Variants in GPATCH1 observed in about 807,000 individuals in gnomAD.
GPATCH1 encodes G-patch domain containing 1, also known as G patch domain-containing protein 1.
In GPATCH1, 73 loss-of-function variants were observed where a neutral mutation model predicts 114.9. That is an observed-to-expected ratio of 0.64 (90% CI 0.53 to 0.77). The LOEUF (loss-of-function observed/expected upper bound fraction) is 0.77, where lower values mean the gene tolerates loss of function less well. Ranked by LOEUF, GPATCH1 falls within the 30% of genes least tolerant of loss-of-function variation. GPATCH1 has a pLI of 0.00. For synonymous variants in GPATCH1, 391 were observed against 428.4 expected, an observed-to-expected ratio of 0.91 and a Z score of 1.08; for missense variants, 1,058 against 1,144.3, an observed-to-expected ratio of 0.92 and a Z score of 1.09.
At chr19:33,085,621 CAG>C (rs1475557330) in intron 1 of GPATCH1, among the ~76,000 whole-genome samples, 1 of 152,140 alleles carries the variant, frequency 6.6e-6, no homozygotes, top group African/African-American at 2.4e-5. Flanking sequence ...GGCTTGGAGA[CAG>C]AGCTGAGATC....
At chr19:33,125,255 A>G in intron 18 of GPATCH1, 53 bp downstream of exon 18, 1 of 1,555,834 alleles carries the variant, frequency 6.4e-7, no homozygotes, top group Non-Finnish European at 8.7e-7. Context: ...CCCGCTGGTC[A>G]GCCCCCAGGA....
intron 10 of GPATCH1, among the ~76,000 whole-genome samples, chr19:33,107,934 T>C (rs1189169153): frequency 6.6e-6 from 1 of 152,100 alleles, no homozygotes; most frequent in Non-Finnish European, 1.5e-5. Flanking sequence ...ATGTGCCACG[T>C]TCGTGTGCTG....
intron 9 of GPATCH1, among the ~76,000 whole-genome samples, chr19:33,102,020 T>G (rs1379612645): frequency 8.1e-6 from 1 of 123,688 alleles, no homozygotes; most frequent in African/African-American, 3.3e-5. Flanking sequence ...CACGTAAAAC[T>G]CTGTCTCAAA....
rs151158125 is a variant in GPATCH1 at position 33,109,787 on chromosome 19, A to T, written c.1356A>T (p.Ala452=). Residue 452 remains alanine (A), a synonymous_variant, in exon 11 of 20, where the codon GCA becomes GCT. Transcript: ENST00000170564. ...AGAGAATCAAAGAAATGAAGCAGGC[A>T]ACTGACCTGAAAGCAGCTCAGCTCA... ...DKERIKEMKQ[A]TDLKAAQLKA... 6.2e-7 allele frequency: 1 copy of T among 1,609,224 alleles called. No individual in the cohort carries two copies. The highest frequency in any genetic ancestry group is 2.2e-5 in the East Asian group (1 of 44,792).
At chr19:33,093,600 A>T in intron 4 of GPATCH1, 81 bp downstream of exon 4, 1 of 1,304,634 alleles carries the variant, frequency 7.7e-7, no homozygotes, top group African/African-American at 1.5e-5. Flanking sequence ...GGATAGTTTG[A>T]TTGCAAGTGA....
chr19:33,094,504 G>GT (rs1377693681), intron 5 of GPATCH1, among the ~76,000 whole-genome samples: 1 of 152,136 alleles, frequency 6.6e-6, no homozygotes, highest in Non-Finnish European at 1.5e-5. Context: ...TAGAGACGGG[G>GT]TTTTGCCATG....
chr19:33,129,117 C>T (rs1973075182), intron 19 of GPATCH1, among the ~76,000 whole-genome samples: 1 of 151,858 alleles, frequency 6.6e-6, no homozygotes, highest in South Asian at 2.1e-4. Flanking sequence ...CGTGGTGGCA[C>T]GTGCCTGTAG....
At chr19:33,114,499 A>G (rs1972895397) in intron 15 of GPATCH1, 80 bp downstream of exon 15, 7 of 1,131,802 alleles carry the variant, frequency 6.2e-6, no homozygotes, top group Non-Finnish European at 8.8e-6. Context: ...TCTCCTCGTG[A>G]CTCACCAGCA....
At chr19:33,082,675 CTG>C (rs1972491144) in intron 1 of GPATCH1, among the ~76,000 whole-genome samples, 1 of 152,142 alleles carries the variant, frequency 6.6e-6, no homozygotes, top group Admixed American at 6.5e-5. Flanking sequence ...GAGACTCTGT[CTG>C]TAACAAACAA....
chr19:33,084,424 C>G (rs1056742008), intron 1 of GPATCH1, among the ~76,000 whole-genome samples: 3 of 152,138 alleles, frequency 2.0e-5, no homozygotes, highest in Non-Finnish European at 4.4e-5. Context: ...GAATTCTTAT[C>G]TACAGCTCAT....
At chr19:33,081,343 C>T (rs1037671109) in intron 1 of GPATCH1, 77 bp downstream of exon 1, 67 of 1,035,746 alleles carry the variant, frequency 6.5e-5, no homozygotes, top group Non-Finnish European at 9.1e-5. Flanking sequence ...AAGCACAAGT[C>T]GGTGCTGGAC....
chr19:33,095,733 G>A, intron 5 of GPATCH1, 29 bp from the exon 6 acceptor site: 1 of 1,530,580 alleles, frequency 6.5e-7, no homozygotes, highest in Non-Finnish European at 9.1e-7. Flanking sequence ...AGTCACTCAT[G>A]ACTATTGCAT....
intron 1 of GPATCH1, among the ~76,000 whole-genome samples, 178 bp from the exon 2 acceptor site, chr19:33,087,956 A>G (rs1448950102): frequency 6.6e-6 from 1 of 152,064 alleles, no homozygotes; most frequent in Non-Finnish European, 1.5e-5. Flanking sequence ...CTTATAAAAT[A>G]TATTGTTTTC....
intron 19 of GPATCH1, among the ~76,000 whole-genome samples, chr19:33,128,261 T>A (rs913339184): frequency 4.0e-5 from 6 of 151,592 alleles, no homozygotes; most frequent in Admixed American, 2.0e-4. Flanking sequence ...CTAATTTTTT[T>A]AAAAAATCAT....
At chr19:33,100,214 T>C (rs1972710006) in intron 8 of GPATCH1, 1 of 152,112 alleles carries the variant, frequency 6.6e-6, no homozygotes, top group African/African-American at 2.4e-5. Context: ...TTTCTGGGTT[T>C]TGAGATAATA....
Position 33,088,221 on chromosome 19 carries a change from G to A in GPATCH1, c.161G>A (p.Ser54Asn). ...TATAAACGATTCCACGGGGCCTTTA[G>A]TGGAGGTTTCTCTGCTGGATACTTC... is the stretch of plus-strand genomic sequence containing the variant. ...GRYKRFHGAF[S>N]GGFSAGYFNT... The change falls in exon 2 of 20, where the codon AGT (serine) becomes AAT (asparagine). Residue 54 changes from serine (S) to asparagine (N), a missense_variant. Physicochemically the swap from Ser to Asn is conservative, Grantham distance 46. This residue lies in a region of GPATCH1 where 131 missense variants were observed against 107.2 expected (regional missense o/e 1.22). Coordinates refer to ENST00000170564, the MANE Select transcript of GPATCH1 (RefSeq NM_018025.3). The A allele has an allele frequency of 6.2e-7, 1 of 1,607,364 alleles. No individual in the cohort carries two copies. Among genetic ancestry groups the A allele is most frequent in the Non-Finnish European group, 8.5e-7 (1 of 1,175,884 alleles).
At chr19:33,090,696 A>C in intron 2 of GPATCH1, 84 bp from the exon 3 acceptor site, 1 of 793,640 alleles carries the variant, frequency 1.3e-6, no homozygotes, top group Non-Finnish European at 2.2e-6. Context: ...TGGGAATTTC[A>C]AGTCCATACA....
chr19:33,104,830 GA>G lies in GPATCH1; in HGVS notation c.1081-1858del, dbSNP rs1035415614. ...AGAATATTTCAGTGTGAATTTGGGG[GA>G]AAAAAATAGTAAAGAAAAGTCTAGA... On this transcript the variant is annotated intron_variant, in intron 9 of 19. Coordinates refer to ENST00000170564, the MANE Select transcript of GPATCH1 (RefSeq NM_018025.3). 4.1e-4 allele frequency among the ~76,000 whole-genome samples: 62 copies of G among 152,034 alleles called. 1 individual carries two copies. Among genetic ancestry groups the G allele is most frequent in the African/African-American group, 1.2e-3 (49 of 41,474 alleles).
At chr19:33,129,258 A>G (rs1322666531) in intron 19 of GPATCH1, among the ~76,000 whole-genome samples, 4 of 151,846 alleles carry the variant, frequency 2.6e-5, no homozygotes, top group Non-Finnish European at 5.9e-5. Flanking sequence ...AAAAAAAAGA[A>G]AAGAAATTCA....
Sources: gnomAD v4.1 joint callset for allele counts (sites outside exome capture counted in the v4.1 genomes callset) on GRCh38, gnomAD v4.1.1 for gene constraint, gnomAD v4.1.1 regional missense constraint, MANE v1.5 for transcripts, NCBI Gene and HGNC (gene_info 2026-07-23, HGNC 2026-07-21) for gene names.